DAB1: variants seen among roughly 807,000 people sequenced by gnomAD.
DAB1 encodes the protein disabled homolog 1.
In DAB1, 15 loss-of-function variants were observed where a neutral mutation model predicts 64.6. The observed-to-expected ratio is 0.23, with a 90% CI of 0.16 to 0.36. The LOEUF (loss-of-function observed/expected upper bound fraction) is 0.36, where lower values mean the gene tolerates loss of function less well. DAB1 is among the 10% of genes least tolerant of loss of function. The probability of loss-of-function intolerance (pLI) is 1.00; values close to 1 mark genes in which losing one functional copy is unlikely to be tolerated. For missense variants in DAB1, 596 were observed against 706.7 expected (o/e 0.84, Z 1.78); for synonymous variants, 235 against 251.9 (o/e 0.93, Z 0.64).
chr1:57,172,142 C>T (rs1429726779), intron 2 of DAB1, among the ~76,000 whole-genome samples: 1 of 152,124 alleles, frequency 6.6e-6, no homozygotes, highest in Non-Finnish European at 1.5e-5. Flanking sequence ...GTGTGTCTAT[C>T]TGTGTGTCCA....
At chr1:57,683,533 T>C (rs1223466752) in intron 6 of DAB1, among the ~76,000 whole-genome samples, 3 of 152,114 alleles carry the variant, frequency 2.0e-5, no homozygotes, top group Non-Finnish European at 4.4e-5. Flanking sequence ...CAAAAATATA[T>C]ATCCTTGTGA....
At chr1:58,308,703 T>G (rs1662360227) in intron 4 of DAB1, among the ~76,000 whole-genome samples, 1 of 152,220 alleles carries the variant, frequency 6.6e-6, no homozygotes, top group South Asian at 2.1e-4. Context: ...TTCAGCAACC[T>G]GCTAGCTAGC....
At chr1:57,541,810 C>A (rs577481052) in intron 7 of DAB1, among the ~76,000 whole-genome samples, 3 of 152,264 alleles carry the variant, frequency 2.0e-5, no homozygotes, top group Middle Eastern at 3.4e-3. Context: ...CTAATTCTTG[C>A]CAACATGCTA....
At position 57,382,628 on chromosome 1, in the gene DAB1, C is replaced by CT. The variant is rs571376715; in HGVS notation, c.-137+41301dup. Reference sequence around the variant, plus strand: ...CTTTTAAAAGCCACTGATTCTTTGACTTGTGGCCCTTTTCTCACATCTACA... The same window carrying CT: ...CTTTTAAAAGCCACTGATTCTTTGACTTTGTGGCCCTTTTCTCACATCTACA... On this transcript the variant is annotated intron_variant, in intron 1 of 14. Coordinates refer to ENST00000371236, the MANE Select transcript of DAB1 (RefSeq NM_001365792.1). Among the ~76,000 whole-genome samples the CT allele has an allele frequency of 3.3e-5, 5 of 152,248 alleles. No individual in the cohort carries two copies. In the East Asian group the frequency reaches 7.7e-4, roughly 24 times the overall value.
At chr1:57,479,401 C>T (rs1267233874) in intron 7 of DAB1, among the ~76,000 whole-genome samples, 1 of 150,156 alleles carries the variant, frequency 6.7e-6, no homozygotes, top group Non-Finnish European at 1.5e-5. Flanking sequence ...AATAAAAGAA[C>T]TGTTTCATGT....
chr1:57,284,310 G>T (rs1201641692), intron 2 of DAB1, among the ~76,000 whole-genome samples: 1 of 152,172 alleles, frequency 6.6e-6, no homozygotes, highest in Non-Finnish European at 1.5e-5. Context: ...ACTACAGCGT[G>T]GATGACTAGA....
At chr1:57,364,063 T>C (rs1436435742) in intron 1 of DAB1, among the ~76,000 whole-genome samples, 1 of 152,204 alleles carries the variant, frequency 6.6e-6, no homozygotes, top group African/African-American at 2.4e-5. Context: ...CCGTTGGCCA[T>C]TTTGGGTCTA....
intron 10 of DAB1, among the ~76,000 whole-genome samples, chr1:57,025,508 C>G (rs923659851): frequency 1.6e-4 from 25 of 152,062 alleles, no homozygotes; most frequent in African/African-American, 6.0e-4. Flanking sequence ...GAAGGATGGG[C>G]AGAGCAGGGT....
upstream of DAB1, among the ~76,000 whole-genome samples, chr1:57,425,499 C>A (rs1479783670): frequency 6.6e-6 from 1 of 152,088 alleles, no homozygotes; most frequent in Non-Finnish European, 1.5e-5. Flanking sequence ...CTGGTACATA[C>A]AAAGTCATCA....
intron 6 of DAB1, among the ~76,000 whole-genome samples, chr1:57,760,500 C>T (rs1569598772): frequency 6.6e-6 from 1 of 151,918 alleles, no homozygotes; most frequent in African/African-American, 2.4e-5. Flanking sequence ...TTCCCCTTCT[C>T]TTCTCTTTCT....
intron 3 of DAB1, among the ~76,000 whole-genome samples, chr1:58,453,763 C>G (rs1219842896): frequency 6.6e-6 from 1 of 152,154 alleles, no homozygotes; most frequent in Non-Finnish European, 1.5e-5. Flanking sequence ...ACCTCCCCCA[C>G]CTTGCACTAG....
chr1:57,747,075 A>G (rs1370872902), intron 6 of DAB1, among the ~76,000 whole-genome samples: 1 of 152,070 alleles, frequency 6.6e-6, no homozygotes, highest in East Asian at 1.9e-4. Flanking sequence ...TATCCTTTAT[A>G]TGTTATGCTT....
At chr1:57,091,927 C>A (rs1412122445) in intron 4 of DAB1, among the ~76,000 whole-genome samples, 1 of 152,234 alleles carries the variant, frequency 6.6e-6, no homozygotes, top group Non-Finnish European at 1.5e-5. Flanking sequence ...ACTGGCCCAA[C>A]TCCATCCAGT....
Position 57,307,854 on chromosome 1 carries a change from C to T in DAB1, c.-136-16688G>A, listed in dbSNP as rs147169958. 8.1e-3 allele frequency among the ~76,000 whole-genome samples: 1,234 copies of T among 152,200 alleles called. 16 individuals carry two copies. Among genetic ancestry groups the T allele is most frequent in the African/African-American group, 0.028 (1,151 of 41,534 alleles). Reference sequence around the variant, plus strand: ...TTCAATCTAGACCACACCTCCTAGACCACCTTCTTTCCCTAGCTATGGAAT... The same window carrying T: ...TTCAATCTAGACCACACCTCCTAGATCACCTTCTTTCCCTAGCTATGGAAT... On this transcript the variant is annotated intron_variant, in intron 1 of 14. Transcript: ENST00000371236.
chr1:57,225,759 T>A (rs561662336), intron 2 of DAB1, among the ~76,000 whole-genome samples: 2 of 152,190 alleles, frequency 1.3e-5, no homozygotes, highest in African/African-American at 4.8e-5. Context: ...CAACCCTCTA[T>A]GAAAAGCATG....
intron 4 of DAB1, among the ~76,000 whole-genome samples, chr1:58,281,157 G>A (rs1412169724): frequency 1.3e-5 from 2 of 152,186 alleles, no homozygotes; most frequent in African/African-American, 2.4e-5. Context: ...ACATCATGAC[G>A]GAAGGGAATT....
At chr1:57,612,907 A>G (rs1645745935) in intron 7 of DAB1, among the ~76,000 whole-genome samples, 2 of 152,208 alleles carry the variant, frequency 1.3e-5, no homozygotes, top group Admixed American at 1.3e-4. Context: ...GAATGAAACC[A>G]TGAACGGTAT....
chr1:57,116,113 T>G (rs1292179995), intron 4 of DAB1, among the ~76,000 whole-genome samples: 3 of 152,048 alleles, frequency 2.0e-5, no homozygotes, highest in Non-Finnish European at 4.4e-5. Flanking sequence ...CCAAAAACTG[T>G]TGGGGACACG....
At chr1:58,534,124 A>G (rs774299098) in intron 1 of DAB1, 2 of 867,112 alleles carry the variant, frequency 2.3e-6, no homozygotes, top group African/African-American at 1.6e-5. Flanking sequence ...CAATAAATTT[A>G]ACAATTACAA....
Sources: gnomAD v4.1 joint callset for allele counts (sites outside exome capture counted in the v4.1 genomes callset) on GRCh38, gnomAD v4.1.1 for gene constraint, MANE v1.5 for transcripts, NCBI Gene and HGNC (gene_info 2026-07-23, HGNC 2026-07-21) for gene names.